The following CRADD variants were observed in gnomAD, a reference collection of about 807,000 sequenced individuals.
CRADD encodes the protein CARD and death domain containing adaptor protein.
In CRADD, 9 loss-of-function variants were observed where a neutral mutation model predicts 15.5. The ratio of observed to expected loss-of-function variants is 0.58; its 90% confidence interval spans 0.35 to 1.01. The LOEUF is 1.01. Among genes scored for constraint, CRADD ranks in the 50% least tolerant of loss-of-function variants. CRADD has a pLI of 0.02. For synonymous variants in CRADD, 118 were observed against 107.6 expected, an observed-to-expected ratio of 1.10 and a Z score of -0.60; for missense variants, 227 against 250.3, an observed-to-expected ratio of 0.91 and a Z score of 0.63.
chr12:93,734,794 G>C (rs1212917852), intron 2 of CRADD, among the ~76,000 whole-genome samples: 1 of 152,100 alleles, frequency 6.6e-6, no homozygotes, highest in East Asian at 1.9e-4. Context: ...TGTTCCCTCA[G>C]CTTGGAATCC....
intron 2 of CRADD, among the ~76,000 whole-genome samples, chr12:93,712,190 C>A (rs527750367): frequency 6.6e-6 from 1 of 152,090 alleles, no homozygotes; most frequent in Admixed American, 6.6e-5. Flanking sequence ...GTACATACTT[C>A]GTAGAGTTGT....
chr12:93,812,521 A>G (rs911623452), intron 2 of CRADD, among the ~76,000 whole-genome samples: 2 of 137,216 alleles, frequency 1.5e-5, no homozygotes, highest in Non-Finnish European at 3.2e-5. Context: ...CTAAAAAAAT[A>G]CAAAAAAAAA....
chr12:93,821,787 G>T (rs1033972746), intron 2 of CRADD, among the ~76,000 whole-genome samples: 11 of 152,142 alleles, frequency 7.2e-5, no homozygotes, highest in Admixed American at 6.5e-5. Flanking sequence ...TAGGGAGTCA[G>T]TTGGGTTTCC....
intron 2 of CRADD, among the ~76,000 whole-genome samples, chr12:93,881,444 G>C (rs61373623): frequency 3.5e-5 from 5 of 142,516 alleles, no homozygotes; most frequent in Admixed American, 7.1e-5. Context: ...AAGTGTGGGG[G>C]GGGGGTGGGG....
chr12:93,858,452 CT>C (rs899809779), intron 2 of CRADD, among the ~76,000 whole-genome samples: 1 of 152,212 alleles, frequency 6.6e-6, no homozygotes, highest in Non-Finnish European at 1.5e-5. Context: ...AACATCTCTA[CT>C]TTTTAGAGTA....
At chr12:93,677,896 C>T (rs1239715792) in intron 1 of CRADD, 1 of 152,766 alleles carries the variant, frequency 6.5e-6, no homozygotes, top group Non-Finnish European at 1.5e-5. Flanking sequence ...TCTGAAGCCC[C>T]ATCTGTCATC....
intron 2 of CRADD, among the ~76,000 whole-genome samples, chr12:93,863,596 T>TTGTGTG (rs1157061528): frequency 0.15 from 18,308 of 124,586 alleles, 1,596 homozygotes; most frequent in Admixed American, 0.17. Flanking sequence ...GTGGAGGCAT[T>TTGTGTG]TGTGTGTGTG....
At position 93,836,379 on chromosome 12, in the gene CRADD, G is replaced by T. The variant is rs77277229; in HGVS notation, c.299-13591G>T. ...TTACCTTTTCTTCATTCCCTTAGGT[G>T]TTAGGGGATGGAGACTCTGGGGTCA... On this transcript the variant is annotated intron_variant, in intron 2 of 2. Coordinates refer to ENST00000332896, the MANE Select transcript of CRADD (RefSeq NM_003805.5). Among the ~76,000 whole-genome samples the T allele has an allele frequency of 9.3e-3, 1,410 of 152,220 alleles. 15 individuals are homozygous for T. The highest frequency in any genetic ancestry group is 0.031 in the African/African-American group (1,305 of 41,502).
At chr12:93,726,256 A>T (rs1349404186) in intron 2 of CRADD, among the ~76,000 whole-genome samples, 2 of 151,636 alleles carry the variant, frequency 1.3e-5, no homozygotes, top group African/African-American at 4.8e-5. Flanking sequence ...GGCACCCACC[A>T]CCATGCCCAG....
At chr12:93,774,566 A>T (rs1354869381) in intron 2 of CRADD, among the ~76,000 whole-genome samples, 1 of 152,000 alleles carries the variant, frequency 6.6e-6, no homozygotes, top group East Asian at 1.9e-4. Context: ...AGGAGGTGGG[A>T]GGGGGGTTAA....
chr12:93,876,139 C>T (rs1958456620), intron 2 of CRADD, among the ~76,000 whole-genome samples: 1 of 152,164 alleles, frequency 6.6e-6, no homozygotes. Context: ...ATGTCATTCT[C>T]TCCTGGTCTA....
At chr12:93,804,246 C>A (rs970960297) in intron 2 of CRADD, among the ~76,000 whole-genome samples, 5 of 152,074 alleles carry the variant, frequency 3.3e-5, no homozygotes, top group African/African-American at 1.2e-4. Flanking sequence ...GTGTTTAATG[C>A]ATTTTGGCAA....
At chr12:93,787,316 T>TGG (rs1957290708) in intron 2 of CRADD, among the ~76,000 whole-genome samples, 1 of 148,582 alleles carries the variant, frequency 6.7e-6, no homozygotes, top group Non-Finnish European at 1.5e-5. Context: ...TTTTTTTTTT[T>TGG]TTTTTTTTTT....
At chr12:93,755,405 TC>T (rs1956878307) in intron 2 of CRADD, among the ~76,000 whole-genome samples, 1 of 152,168 alleles carries the variant, frequency 6.6e-6, no homozygotes, top group African/African-American at 2.4e-5. Context: ...ATTTTTTAAA[TC>T]TCTGTTCTAG....
downstream of CRADD, among the ~76,000 whole-genome samples, chr12:93,853,403 C>T (rs1053756195): frequency 4.6e-5 from 7 of 151,814 alleles, no homozygotes; most frequent in Non-Finnish European, 8.8e-5. Flanking sequence ...ATTTCAATAT[C>T]CTTTGTGTTC....
chr12:93,868,564 T>C (rs1291262574), intron 2 of CRADD, among the ~76,000 whole-genome samples: 2 of 152,148 alleles, frequency 1.3e-5, no homozygotes, highest in African/African-American at 4.8e-5. Context: ...TATGGTATAA[T>C]TTCATTAATG....
At position 93,878,689 on chromosome 12, in the gene CRADD, G is replaced by T. The variant is rs373058822; in HGVS notation, c.299-15361G>T. 1.2e-4 allele frequency among the ~76,000 whole-genome samples: 19 copies of T among 152,316 alleles called. 2 individuals carry two copies. Among genetic ancestry groups the T allele is most frequent in the South Asian group, 1.2e-3 (6 of 4,826 alleles). On this transcript the variant is annotated intron_variant, in intron 2 of 2. Coordinates refer to the CRADD transcript ENST00000548483. Reference sequence around the variant, plus strand: ...ACCACTGGGATTGGCGATTCCCTCTGGCTAGGGCTGGTTTAAATGCCTCCT... The same window carrying T: ...ACCACTGGGATTGGCGATTCCCTCTTGCTAGGGCTGGTTTAAATGCCTCCT...
At chr12:93,891,643 T>G (rs1958576770) in intron 2 of CRADD, among the ~76,000 whole-genome samples, 1 of 152,226 alleles carries the variant, frequency 6.6e-6, no homozygotes, top group African/African-American at 2.4e-5. Context: ...CAGACCACAC[T>G]AGGTGCTATG....
intron 2 of CRADD, among the ~76,000 whole-genome samples, chr12:93,758,736 A>G (rs980169515): frequency 3.3e-5 from 5 of 152,180 alleles, no homozygotes; most frequent in African/African-American, 9.6e-5. Flanking sequence ...ATTTAATTTT[A>G]GATTTGGTAG....
Sources: gnomAD v4.1 joint callset for allele counts (sites outside exome capture counted in the v4.1 genomes callset) on GRCh38, gnomAD v4.1.1 for gene constraint, MANE v1.5 for transcripts, NCBI Gene and HGNC (gene_info 2026-07-23, HGNC 2026-07-21) for gene names.